The following GUCY1A1 variants were observed in gnomAD, a reference collection of about 807,000 sequenced individuals.
GUCY1A1 encodes the protein guanylate cyclase 1 soluble subunit alpha 1.
A neutral mutation model predicts 64.5 loss-of-function variants in GUCY1A1; 48 were observed. That is an observed-to-expected ratio of 0.74 (90% CI 0.59 to 0.95). The LOEUF (loss-of-function observed/expected upper bound fraction) is 0.95. Ranked by LOEUF, GUCY1A1 falls within the 40% of genes least tolerant of loss-of-function variation. The pLI, the probability that GUCY1A1 is intolerant of heterozygous loss-of-function variation, is 0.00. For missense variants in GUCY1A1, 804 were observed against 825.3 expected (o/e 0.97, Z 0.32); for synonymous variants, 308 against 303.4 (o/e 1.02, Z -0.16).
intron 4 of GUCY1A1, among the ~76,000 whole-genome samples, chr4:155,707,650 T>C (rs1233325682): frequency 6.6e-6 from 1 of 151,954 alleles, no homozygotes; most frequent in Non-Finnish European, 1.5e-5. Context: ...TATTAGTCTA[T>C]GTAAAGTTCA....
At position 155,666,859 on chromosome 4, in the gene GUCY1A1, G is replaced by A. The variant is rs1192370281; in HGVS notation, c.-293G>A. The A allele has an allele frequency of 6.6e-6, 1 of 152,218 alleles. No individual in the cohort carries two copies. Among genetic ancestry groups the A allele is most frequent in the East Asian group, 1.9e-4 (1 of 5,166 alleles). The allele number at this position is 152,218 out of a possible 1,614,324, so 9.4% of individuals were successfully genotyped here. ...TGCAGAGTTTTCCTACACTTTTCCT[G>A]CGCTAGAGCAGCGAGCAGCCTGGAA... On this transcript the variant is annotated 5_prime_UTR_variant, in exon 1 of 10. Coordinates refer to ENST00000506455, the MANE Select transcript of GUCY1A1 (RefSeq NM_001130682.3).
At chr4:155,713,732 T>C in intron 7 of GUCY1A1, 149 bp downstream of exon 7, 1 of 747,516 alleles carries the variant, frequency 1.3e-6, no homozygotes, top group Admixed American at 2.8e-5. Flanking sequence ...GGTGCATTCA[T>C]TATGTGGGTG....
intron 3 of GUCY1A1, among the ~76,000 whole-genome samples, chr4:155,701,962 A>G (rs1731141108): frequency 6.6e-6 from 1 of 152,208 alleles, no homozygotes; most frequent in Admixed American, 6.5e-5. Flanking sequence ...CACAGATAAA[A>G]TTTTATAGAT....
chr4:155,678,446 C>T (rs1278723141), intron 2 of GUCY1A1, among the ~76,000 whole-genome samples: 1 of 152,062 alleles, frequency 6.6e-6, no homozygotes, highest in African/African-American at 2.4e-5. Flanking sequence ...TAATAGTGAA[C>T]ATTTCTTAGG....
intron 2 of GUCY1A1, among the ~76,000 whole-genome samples, chr4:155,694,999 G>C (rs914802751): frequency 6.6e-6 from 1 of 152,172 alleles, no homozygotes; most frequent in Non-Finnish European, 1.5e-5. Flanking sequence ...GAGGTAGACC[G>C]CTTCCATTCT....
rs1256501528 is a variant in GUCY1A1, at chr4:155,702,907, CA to C, written c.256-1019del. Among the ~76,000 whole-genome samples the C allele has an allele frequency of 1.3e-5, 2 of 151,244 alleles. 1 individual carries two copies. The highest frequency in any genetic ancestry group is 6.4e-3 in the Middle Eastern group (2 of 312). ...AAAGGAATTTCTTAACTTGGGACAG[CA>C]AAAAATTTTTCACTTTCCTCTGGGG... On this transcript the variant is annotated intron_variant, in intron 3 of 9. Coordinates refer to ENST00000506455, the MANE Select transcript of GUCY1A1 (RefSeq NM_001130682.3).
At chr4:155,702,989 C>A (rs1305473941) in intron 3 of GUCY1A1, among the ~76,000 whole-genome samples, 9 of 150,034 alleles carry the variant, frequency 6.0e-5, no homozygotes, top group African/African-American at 2.2e-4. Flanking sequence ...TTATATATAT[C>A]TCTATATATA....
intron 2 of GUCY1A1, among the ~76,000 whole-genome samples, chr4:155,672,018 GTT>G (rs5863172): frequency 2.7e-5 from 4 of 148,682 alleles, no homozygotes; most frequent in Admixed American, 6.7e-5. Context: ...TCCCCCCTCC[GTT>G]TTTTTTTTGC....
intron 2 of GUCY1A1, among the ~76,000 whole-genome samples, chr4:155,670,811 C>T (rs182562252): frequency 6.6e-6 from 1 of 152,276 alleles, no homozygotes; most frequent in Non-Finnish European, 1.5e-5. Context: ...TTAATTAACT[C>T]ACATACCAAG....
At chr4:155,695,989 T>C (rs1195419957) in intron 2 of GUCY1A1, among the ~76,000 whole-genome samples, 1 of 152,076 alleles carries the variant, frequency 6.6e-6, no homozygotes, top group African/African-American at 2.4e-5. Context: ...ACAAAAGTAC[T>C]GGGGGAAATA....
At chr4:155,704,202 G>A (rs1484650504) in intron 4 of GUCY1A1, among the ~76,000 whole-genome samples, 1 of 152,176 alleles carries the variant, frequency 6.6e-6, no homozygotes, top group Non-Finnish European at 1.5e-5. Flanking sequence ...TTTATATGAA[G>A]TATTTAGAAT....
At chr4:155,709,740 T>C (rs1732295876) in intron 5 of GUCY1A1, among the ~76,000 whole-genome samples, 1 of 151,694 alleles carries the variant, frequency 6.6e-6, no homozygotes, top group African/African-American at 2.4e-5. Flanking sequence ...AGGTGAGGCA[T>C]AAGAATCACC....
intron 9 of GUCY1A1, among the ~76,000 whole-genome samples, chr4:155,726,764 G>T (rs1170693675): frequency 6.6e-6 from 1 of 151,758 alleles, no homozygotes; most frequent in African/African-American, 2.4e-5. Flanking sequence ...TTAATTTTAG[G>T]GGATAATATT....
Position 155,732,577 on chromosome 4 carries a change from A to G in GUCY1A1, c.*2346A>G, listed in dbSNP as rs1250494111. 6.6e-6 allele frequency among the ~76,000 whole-genome samples: 1 copy of G among 151,948 alleles called. No homozygotes were observed. Among genetic ancestry groups the G allele is most frequent in the Non-Finnish European group, 1.5e-5 (1 of 67,890 alleles). ...GATTAGCGAGAAACTTTTCAGATCC[A>G]GACCACTGATGGTAGCCAGAGTAGA... On this transcript the variant is annotated 3_prime_UTR_variant, in exon 10 of 10. Coordinates refer to ENST00000506455, the MANE Select transcript of GUCY1A1 (RefSeq NM_001130682.3).
chr4:155,675,308 G>A (rs895325404), intron 2 of GUCY1A1, among the ~76,000 whole-genome samples: 6 of 151,468 alleles, frequency 4.0e-5, no homozygotes, highest in Non-Finnish European at 8.8e-5. Context: ...GTGTATTTGT[G>A]AGCATAAAGT....
intron 7 of GUCY1A1, among the ~76,000 whole-genome samples, chr4:155,715,442 G>A (rs1265330792): frequency 6.6e-6 from 1 of 152,110 alleles, no homozygotes; most frequent in Non-Finnish European, 1.5e-5. Context: ...AATATGTACT[G>A]GTTATCCAGC....
At position 155,667,748 on chromosome 4, in the gene GUCY1A1, G is replaced by T. The variant is rs564109383; in HGVS notation, c.-113+329G>T. 3.3e-5 allele frequency: 5 copies of T among 151,512 alleles called. No individual in the cohort carries two copies. The South Asian group carries it at 8.3e-4, about 25-fold the overall frequency. 9.4% of individuals were successfully genotyped at this position (151,512 alleles called of 1,614,324 possible). The stretch of plus-strand genomic sequence containing the variant: ...AGAACGCGCGGGGCGCGCCGGGGCC[G>T]CTGGTCTCCCACGGCCAGGGCGCCT... On this transcript the variant is annotated intron_variant, in intron 2 of 9. Coordinates refer to ENST00000506455, the MANE Select transcript of GUCY1A1 (RefSeq NM_001130682.3).
chr4:155,722,445 T>G (rs1734092281), intron 9 of GUCY1A1: 21 of 1,296,678 alleles, frequency 1.6e-5, no homozygotes, highest in Non-Finnish European at 2.1e-5. Context: ...TCCATCATTC[T>G]TCTTTTAGAA....
chr4:155,712,900 GTATACTCTAA>G (rs1401895910), intron 6 of GUCY1A1, among the ~76,000 whole-genome samples, 188 bp from the exon 7 acceptor site: 1 of 152,192 alleles, frequency 6.6e-6, no homozygotes, highest in African/African-American at 2.4e-5. Context: ...TCTGTGTAGA[GTATACTCTAA>G]TATACTCTTC....
Sources: gnomAD v4.1 joint callset for allele counts (sites outside exome capture counted in the v4.1 genomes callset) on GRCh38, gnomAD v4.1.1 for gene constraint, MANE v1.5 for transcripts, NCBI Gene and HGNC (gene_info 2026-07-23, HGNC 2026-07-21) for gene names.